Variants in QKI observed in about 807,000 individuals in gnomAD.
QKI encodes QKI, KH domain containing RNA binding, also known as KH domain-containing RNA-binding protein QKI.
QKI carries 10 observed loss-of-function variants against 39.0 expected under a neutral mutation model. The observed-to-expected ratio is 0.26, with a 90% CI of 0.16 to 0.43. QKI has a LOEUF of 0.43. Ranked by LOEUF, QKI falls within the 20% of genes least tolerant of loss-of-function variation. The pLI is 1.00. For synonymous variants in QKI, 204 were observed against 155.4 expected (o/e 1.31, Z -2.33); for missense variants, 218 against 428.0 (o/e 0.51, Z 4.33).
intron 3 of QKI, among the ~76,000 whole-genome samples, chr6:163,517,129 CTTA>C (rs1779880085): frequency 6.6e-6 from 1 of 151,686 alleles, no homozygotes; most frequent in East Asian, 1.9e-4. Flanking sequence ...CTCTGTCTCC[CTTA>C]TTATGAGGAA....
At chr6:163,516,022 G>A (rs114283373) in intron 3 of QKI, among the ~76,000 whole-genome samples, 2 of 8,994 alleles carry the variant, frequency 2.2e-4, no homozygotes, top group East Asian at 0.25. Flanking sequence ...GATATAATCT[G>A]ATTATTTTTA....
chr6:163,459,953 G>A (rs1328962522), intron 2 of QKI, among the ~76,000 whole-genome samples: 1 of 152,192 alleles, frequency 6.6e-6, no homozygotes, highest in Non-Finnish European at 1.5e-5. Context: ...TATGAATAGA[G>A]TTAACTGATT....
At chr6:163,437,386 T>C (rs1325804274) in intron 1 of QKI, among the ~76,000 whole-genome samples, 1 of 152,214 alleles carries the variant, frequency 6.6e-6, no homozygotes, top group African/African-American at 2.4e-5. Flanking sequence ...AAAGTATAAT[T>C]AGCTGAATAT....
intron 3 of QKI, among the ~76,000 whole-genome samples, chr6:163,493,814 G>A (rs1562485466): frequency 2.0e-5 from 3 of 151,816 alleles, no homozygotes; most frequent in Non-Finnish European, 4.4e-5. Context: ...CTTATGTAAC[G>A]AATCTTCTAA....
intron 7 of QKI, chr6:163,569,097 T>C (rs1382777459): frequency 1.1e-6 from 1 of 942,980 alleles, no homozygotes; most frequent in African/African-American, 1.8e-5. Flanking sequence ...TGCTTTAAGA[T>C]TCTATATTTT....
chr6:163,533,550 ATTGATTTTTGTATGTTC>A (rs1396448481), intron 3 of QKI, among the ~76,000 whole-genome samples: 1 of 152,128 alleles, frequency 6.6e-6, no homozygotes, highest in African/African-American at 2.4e-5. Flanking sequence ...CTTGTTCCAC[ATTGATTTTTGTATGTTC>A]TTGATTTTTA....
rs1170459219 is a variant in QKI, at chr6:163,576,266, C to G, written c.*5556C>G. 6.6e-6 allele frequency: 1 copy of G among 152,062 alleles called. No individual in the cohort carries two copies. The highest frequency in any genetic ancestry group is 2.1e-4 in the South Asian group (1 of 4,820). The allele number at this position is 152,062 out of a possible 1,614,324, so 9.4% of individuals were successfully genotyped here. On this transcript the variant is annotated 3_prime_UTR_variant, in exon 8 of 8. Coordinates refer to ENST00000361752, the MANE Select transcript of QKI (RefSeq NM_006775.3). ...GTGGAATCAAACTGGTTAACCTCAG[C>G]ACAGTCCTCTCGTTTCTGTGTTTCT...
chr6:163,453,502 G>T (rs1790723170), intron 1 of QKI, among the ~76,000 whole-genome samples: 1 of 152,072 alleles, frequency 6.6e-6, no homozygotes, highest in African/African-American at 2.4e-5. Context: ...ATGTCCCTTG[G>T]TTAATTACTT....
Position 163,478,875 on chromosome 6 carries a change from C to G in QKI, c.381C>G (p.Gly127=). The change falls in exon 3 of 8, where the codon GGC becomes GGG. Residue 127 remains glycine, a synonymous_variant. Coordinates refer to ENST00000361752, the MANE Select transcript of QKI (RefSeq NM_006775.3). ...GTAAAATCATGGTCCGAGGCAAAGG[C>G]TCAATGAGGGATAAAAAAAAGGTAA... ...TGCKIMVRGK[G]SMRDKKKEEQ... is the part of the protein sequence containing the mutation. The G allele has an allele frequency of 6.2e-7, 1 of 1,611,118 alleles. No homozygotes were observed. The highest frequency in any genetic ancestry group is 8.5e-7 in the Non-Finnish European group (1 of 1,178,648).
At chr6:163,534,339 C>G (rs1781060210) in intron 3 of QKI, among the ~76,000 whole-genome samples, 1 of 152,216 alleles carries the variant, frequency 6.6e-6, no homozygotes, top group East Asian at 1.9e-4. Flanking sequence ...GTAGATAAAA[C>G]TATTTTCATA....
At chr6:163,568,567 T>G (rs958790425) in intron 7 of QKI, 80 of 978,786 alleles carry the variant, frequency 8.2e-5, no homozygotes, top group Admixed American at 1.2e-4. Flanking sequence ...CTAAGGGAGA[T>G]GTCTGAAGTC....
At chr6:163,499,834 A>G (rs546610936) in intron 3 of QKI, among the ~76,000 whole-genome samples, 6 of 152,328 alleles carry the variant, frequency 3.9e-5, no homozygotes, top group African/African-American at 1.2e-4. Context: ...ATGGAGCATA[A>G]TTTAGGAAGA....
chr6:163,494,325 TAGGG>T (rs1185010896), intron 3 of QKI, among the ~76,000 whole-genome samples: 1 of 152,212 alleles, frequency 6.6e-6, no homozygotes, highest in Admixed American at 6.5e-5. Flanking sequence ...TGAGCACTGG[TAGGG>T]AGGCGGTCCT....
intron 1 of QKI, among the ~76,000 whole-genome samples, chr6:163,429,525 C>T (rs563660299): frequency 6.6e-6 from 1 of 152,208 alleles, no homozygotes; most frequent in South Asian, 2.1e-4. Flanking sequence ...TTGGACTTGC[C>T]ACTTTGCTTT....
rs951487688 is a variant in QKI at position 163,572,171 on chromosome 6, G to T, written c.*1461G>T. The T allele has an allele frequency of 1.3e-5, 2 of 152,152 alleles. No individual in the cohort carries two copies. Among genetic ancestry groups the T allele is most frequent in the African/African-American group, 4.8e-5 (2 of 41,428 alleles). 9.4% of individuals were successfully genotyped at this position (152,152 alleles called of 1,614,324 possible). On this transcript the variant is annotated 3_prime_UTR_variant, in exon 8 of 8. Transcript: ENST00000361752. ...TCCAATCTTCAATGTTAACCCAAAG[G>T]ATTCTGAGATAAAAATTATGTGTCA...
intron 6 of QKI, 191 bp from the exon 7 acceptor site, chr6:163,566,530 A>G: frequency 7.0e-7 from 1 of 1,422,030 alleles, no homozygotes; most frequent in African/African-American, 1.4e-5. Context: ...TTTGAAATGA[A>G]TGCAATATTA....
At chr6:163,443,191 C>T (rs1413369732) in intron 1 of QKI, among the ~76,000 whole-genome samples, 1 of 152,158 alleles carries the variant, frequency 6.6e-6, no homozygotes, top group Non-Finnish European at 1.5e-5. Context: ...GATATTTTTG[C>T]TGAATTTTAT....
At chr6:163,569,698 A>G (rs1393565334) in intron 7 of QKI, 5 of 998,422 alleles carry the variant, frequency 5.0e-6, no homozygotes, top group Admixed American at 6.0e-5. Context: ...AGAAAATAGT[A>G]TTTACAGGTG....
chr6:163,455,530 C>A, intron 2 of QKI, 109 bp downstream of exon 2: 2 of 1,077,328 alleles, frequency 1.9e-6, no homozygotes, highest in Non-Finnish European at 2.7e-6. Context: ...TAAAAAAATG[C>A]AGTCATCAAC....
Sources: gnomAD v4.1 joint callset for allele counts (sites outside exome capture counted in the v4.1 genomes callset) on GRCh38, gnomAD v4.1.1 for gene constraint, MANE v1.5 for transcripts, NCBI Gene and HGNC (gene_info 2026-07-23, HGNC 2026-07-21) for gene names.